The following MDGA2 variants were observed in gnomAD, a reference collection of about 807,000 sequenced individuals.
The protein encoded by MDGA2 is MAM domain-containing glycosylphosphatidylinositol anchor protein 2.
Under a neutral mutation model 117.8 loss-of-function variants are expected in MDGA2, and 40 were observed. That is an observed-to-expected ratio of 0.34 (90% CI 0.26 to 0.44). MDGA2 has a LOEUF of 0.44. Ranked by LOEUF, MDGA2 falls within the 20% of genes least tolerant of loss-of-function variation. MDGA2 has a pLI of 1.00. For synonymous variants in MDGA2, 452 were observed against 439.0 expected, an observed-to-expected ratio of 1.03 and a Z score of -0.37; for missense variants, 1,123 against 1,250.6, an observed-to-expected ratio of 0.90 and a Z score of 1.54.
intron 7 of MDGA2, among the ~76,000 whole-genome samples, chr14:47,039,366 C>G (rs372410730): frequency 5.9e-5 from 9 of 152,206 alleles, no homozygotes; most frequent in African/African-American, 2.2e-4. Flanking sequence ...TTGTCCACCA[C>G]TTCAAAACAG....
At chr14:47,437,272 T>A (rs1029703471) in intron 1 of MDGA2, among the ~76,000 whole-genome samples, 5 of 152,122 alleles carry the variant, frequency 3.3e-5, no homozygotes, top group African/African-American at 1.2e-4. Context: ...GTGCCTCAGA[T>A]ATCTCAACTA....
At chr14:47,619,761 C>A (rs554210548) in intron 1 of MDGA2, among the ~76,000 whole-genome samples, 1 of 152,340 alleles carries the variant, frequency 6.6e-6, no homozygotes, top group East Asian at 1.9e-4. Context: ...TTTCCTTTGA[C>A]AAACTCAGTC....
chr14:47,058,196 AAAC>A (rs1158305918), intron 7 of MDGA2, among the ~76,000 whole-genome samples: 15 of 152,236 alleles, frequency 9.9e-5, no homozygotes, highest in African/African-American at 3.6e-4. Flanking sequence ...GAGGAAAAAG[AAAC>A]AACAGAGTAA....
intron 6 of MDGA2, among the ~76,000 whole-genome samples, chr14:47,076,856 A>G (rs969843096): frequency 6.6e-6 from 1 of 152,066 alleles, no homozygotes; most frequent in Non-Finnish European, 1.5e-5. Context: ...TTATTTCATC[A>G]TTATTATTCA....
intron 1 of MDGA2, among the ~76,000 whole-genome samples, chr14:47,364,586 G>T (rs190022166): frequency 2.3e-3 from 344 of 152,266 alleles, no homozygotes; most frequent in African/African-American, 7.9e-3. Flanking sequence ...AAATGATAGA[G>T]CACAGCTCTC....
Position 47,202,430 on chromosome 14 carries a change from T to C in MDGA2, c.595+15591A>G, listed in dbSNP as rs569081831. Among the ~76,000 whole-genome samples, 67 of 152,300 alleles carry C rather than the reference T, an allele frequency of 4.4e-4. 1 individual carries two copies. Among genetic ancestry groups the C allele is most frequent in the African/African-American group, 1.5e-3 (64 of 41,568 alleles). The stretch of plus-strand genomic sequence containing the variant: ...CTTTCCATTAACTTCCTGATTTTTT[T>C]TTAAAAAGGGCCCTTTATCAGGCAC... On this transcript the variant is annotated intron_variant, in intron 3 of 16. Coordinates refer to ENST00000399232, the MANE Select transcript of MDGA2 (RefSeq NM_001113498.3).
chr14:47,250,909 C>A (rs1887423889), intron 2 of MDGA2, among the ~76,000 whole-genome samples: 1 of 152,190 alleles, frequency 6.6e-6, no homozygotes, highest in Non-Finnish European at 1.5e-5. Context: ...GGAGCTGCAT[C>A]TCCATGGATA....
At chr14:47,662,788 C>T (rs1897874262) in intron 1 of MDGA2, among the ~76,000 whole-genome samples, 1 of 152,084 alleles carries the variant, frequency 6.6e-6, no homozygotes, top group Non-Finnish European at 1.5e-5. Context: ...GGTTTCTAAA[C>T]CCCGATTTTC....
chr14:47,196,462 T>C (rs1037203789), intron 3 of MDGA2, among the ~76,000 whole-genome samples: 25 of 152,302 alleles, frequency 1.6e-4, no homozygotes, highest in Admixed American at 1.1e-3. Flanking sequence ...CCTAAGCGTA[T>C]ACTTTTTGCA....
chr14:47,080,760 C>T (rs2416019), intron 6 of MDGA2, among the ~76,000 whole-genome samples: 128,366 of 152,150 alleles, frequency 0.84, 54,593 homozygotes, highest in East Asian at 0.97. Flanking sequence ...TTCTTTGTCC[C>T]ATTGCTATTG....
chr14:46,974,756 A>G (rs1365658354), intron 8 of MDGA2, among the ~76,000 whole-genome samples: 1 of 152,176 alleles, frequency 6.6e-6, no homozygotes, highest in African/African-American at 2.4e-5. Context: ...TCAAAAATAT[A>G]AAACTCTTAG....
intron 1 of MDGA2, among the ~76,000 whole-genome samples, chr14:47,654,724 C>T (rs1282757465): frequency 6.6e-6 from 1 of 152,048 alleles, no homozygotes; most frequent in African/African-American, 2.4e-5. Context: ...CCAAACTCAT[C>T]ACCAGGGTTA....
At chr14:47,463,603 G>A (rs1893537107) in intron 1 of MDGA2, among the ~76,000 whole-genome samples, 1 of 152,094 alleles carries the variant, frequency 6.6e-6, no homozygotes, top group Non-Finnish European at 1.5e-5. Flanking sequence ...TTTGAAAAAT[G>A]AGAAAATTCA....
At chr14:47,533,076 T>A (rs1416332944) in intron 1 of MDGA2, among the ~76,000 whole-genome samples, 2 of 152,202 alleles carry the variant, frequency 1.3e-5, no homozygotes, top group Non-Finnish European at 2.9e-5. Context: ...TTATTTCTTG[T>A]CCTGATTTAG....
chr14:46,849,016 T>G (rs1049781943), intron 15 of MDGA2, among the ~76,000 whole-genome samples: 3 of 152,070 alleles, frequency 2.0e-5, no homozygotes, highest in Non-Finnish European at 4.4e-5. Context: ...CAATTATTGA[T>G]ACTACATTTT....
intron 10 of MDGA2, among the ~76,000 whole-genome samples, chr14:46,887,248 C>A (rs1882710514): frequency 6.6e-6 from 1 of 151,794 alleles, no homozygotes; most frequent in African/African-American, 2.4e-5. Flanking sequence ...ATGTAATATC[C>A]CACAAACCCT....
intron 8 of MDGA2, among the ~76,000 whole-genome samples, chr14:46,960,755 C>A (rs981981409): frequency 4.8e-5 from 7 of 146,096 alleles, no homozygotes; most frequent in Admixed American, 7.0e-5. Flanking sequence ...TGTATATGCA[C>A]ACATATGTAG....
intron 5 of MDGA2, among the ~76,000 whole-genome samples, chr14:47,123,820 A>G (rs1479897954): frequency 1.3e-5 from 2 of 152,048 alleles, no homozygotes; most frequent in Admixed American, 1.3e-4. Flanking sequence ...CTGTCCCCAA[A>G]AGATGCCCAT....
chr14:47,640,189 A>T (rs941130966), intron 1 of MDGA2, among the ~76,000 whole-genome samples: 14 of 152,142 alleles, frequency 9.2e-5, no homozygotes, highest in African/African-American at 3.4e-4. Flanking sequence ...GTTTAATGCC[A>T]AATGGTCCCC....
Sources: allele counts gnomAD v4.1 joint callset (sites outside exome capture counted in the v4.1 genomes callset), GRCh38; gene constraint gnomAD v4.1.1; transcripts MANE v1.5; gene names NCBI Gene and HGNC (gene_info 2026-07-23, HGNC 2026-07-21).